Variants in ATAD2 observed in about 807,000 individuals in gnomAD.
The protein encoded by ATAD2 is ATPase family AAA domain-containing protein 2.
Under a neutral mutation model 168.9 loss-of-function variants are expected in ATAD2, and 62 were observed. That is an observed-to-expected ratio of 0.37 (90% confidence interval 0.30 to 0.45). The LOEUF is 0.45. Among genes scored for constraint, ATAD2 ranks in the 20% least tolerant of loss-of-function variants. The pLI is 1.00. For missense variants in ATAD2, 1,419 were observed against 1,667.8 expected, an observed-to-expected ratio of 0.85 and a Z score of 2.60; for synonymous variants, 613 against 571.6, an observed-to-expected ratio of 1.07 and a Z score of -1.03.
At chr8:123,393,090 CAGG>C (rs1446573850) in intron 1 of ATAD2, among the ~76,000 whole-genome samples, 3 of 150,326 alleles carry the variant, frequency 2.0e-5, no homozygotes, top group South Asian at 2.1e-4. Context: ...GAGGCTGAAG[CAGG>C]AGAATGGCGT....
chr8:123,336,311 C>A, intron 22 of ATAD2, 62 bp downstream of exon 22: 1 of 1,426,650 alleles, frequency 7.0e-7, no homozygotes, highest in Non-Finnish European at 9.4e-7. Context: ...ACACAAAAAT[C>A]AACCCTAAGT....
chr8:123,401,027 G>A, upstream of ATAD2: 3 of 1,560,552 alleles, frequency 1.9e-6, no homozygotes, highest in African/African-American at 1.3e-5. Context: ...GGCACCATGG[G>A]CAGCAAGCCG....
At chr8:123,385,244 T>C (rs1829614741) in intron 1 of ATAD2, among the ~76,000 whole-genome samples, 1 of 152,154 alleles carries the variant, frequency 6.6e-6, no homozygotes, top group African/African-American at 2.4e-5. Flanking sequence ...ATGGCTTGTA[T>C]AGAAAAAAAT....
Position 123,320,198 on chromosome 8 carries a change from C to T in ATAD2, c.*936G>A, listed in dbSNP as rs1827429053. 1 of 152,068 alleles carries T rather than the reference C, an allele frequency of 6.6e-6. No individual in the cohort carries two copies. Among genetic ancestry groups the T allele is most frequent in the Non-Finnish European group, 1.5e-5 (1 of 68,004 alleles). The allele number at this position is 152,068 out of a possible 1,614,324, so 9.4% of individuals were successfully genotyped here. A position where few individuals can be genotyped will look rare whatever the true frequency, so the allele number is the denominator to read the frequency against. On this transcript the variant is annotated 3_prime_UTR_variant, in exon 28 of 28. Coordinates refer to ENST00000287394, the MANE Select transcript of ATAD2 (RefSeq NM_014109.4). ...ATTCCTTATTCCCCTCAAAAGGTTT[C>T]CAACAGAAGCTATTTCACAAACTGA...
intron 1 of ATAD2, among the ~76,000 whole-genome samples, chr8:123,394,481 T>C (rs929997184): frequency 6.6e-6 from 1 of 151,938 alleles, no homozygotes; most frequent in Non-Finnish European, 1.5e-5. Flanking sequence ...ATACAAAAAT[T>C]AGCCCAGCGT....
intron 1 of ATAD2, among the ~76,000 whole-genome samples, chr8:123,389,212 C>G (rs1460085460): frequency 7.2e-6 from 1 of 138,806 alleles, no homozygotes. Flanking sequence ...TCCTGACCTC[C>G]TGATCCGCCC....
At chr8:123,343,412 C>G (rs746630723) in intron 19 of ATAD2, among the ~76,000 whole-genome samples, 1 of 152,192 alleles carries the variant, frequency 6.6e-6, no homozygotes, top group Non-Finnish European at 1.5e-5. Flanking sequence ...TTCTCTCCCC[C>G]ACTCAACTAA....
At chr8:123,391,939 A>G (rs1829836452) in intron 1 of ATAD2, among the ~76,000 whole-genome samples, 1 of 152,352 alleles carries the variant, frequency 6.6e-6, no homozygotes, top group African/African-American at 2.4e-5. Flanking sequence ...CTTTGTCTCA[A>G]AAAGGTATAA....
At chr8:123,343,160 G>A (rs990618943) in intron 19 of ATAD2, among the ~76,000 whole-genome samples, 1 of 151,786 alleles carries the variant, frequency 6.6e-6, no homozygotes, top group African/African-American at 2.4e-5. Context: ...AATTTTTGTA[G>A]AGACAAGGTT....
chr8:123,385,805 G>T (rs551472641), intron 1 of ATAD2, among the ~76,000 whole-genome samples: 1 of 151,178 alleles, frequency 6.6e-6, no homozygotes, highest in Admixed American at 6.6e-5. Context: ...ATATATACAC[G>T]CATACATATA....
rs1586913095 is a variant in ATAD2 at position 123,402,097 on chromosome 8, G to A, written c.-2281-922C>T. On this transcript the variant is annotated intron_variant, in intron 1 of 28. Coordinates refer to the ATAD2 transcript ENST00000521903. The surrounding 1 kb of genome is among the most constrained non-coding windows in gnomAD (Gnocchi z 4.8). ...TCCATGGCCTGCACTCTTAGGAGAA[G>A]CGGCTGTACTGACAGCAGTGGAGGC... is the stretch of plus-strand genomic sequence containing the variant. The A allele has an allele frequency of 3.5e-6, 4 of 1,139,638 alleles. No homozygotes were observed. The East Asian group carries it at 7.2e-5, about 20-fold the overall frequency. 70.6% of individuals were successfully genotyped at this position (1,139,638 alleles called of 1,614,324 possible).
intron 9 of ATAD2, among the ~76,000 whole-genome samples, chr8:123,360,307 A>C (rs1258609823): frequency 6.6e-6 from 1 of 152,132 alleles, no homozygotes; most frequent in Non-Finnish European, 1.5e-5. Flanking sequence ...AATCCTCTCA[A>C]GCAAGTTCCC....
chr8:123,387,757 CA>C (rs752426363), intron 1 of ATAD2, among the ~76,000 whole-genome samples: 3 of 152,138 alleles, frequency 2.0e-5, no homozygotes, highest in African/African-American at 7.2e-5. Flanking sequence ...AATAAAATAA[CA>C]AAAAAGTTTT....
chr8:123,403,068 G>A (rs1033756857), intron 1 of ATAD2, among the ~76,000 whole-genome samples: 10 of 152,084 alleles, frequency 6.6e-5, no homozygotes, highest in African/African-American at 1.2e-4. Flanking sequence ...AAGATGGCGC[G>A]CTTCAAGAGC....
At chr8:123,386,000 C>T (rs911763824) in intron 1 of ATAD2, among the ~76,000 whole-genome samples, 4 of 147,170 alleles carry the variant, frequency 2.7e-5, no homozygotes, top group Admixed American at 2.0e-4. Context: ...ACACTTCACA[C>T]ACATTAGGAT....
At chr8:123,389,456 G>A (rs906719079) in intron 1 of ATAD2, among the ~76,000 whole-genome samples, 9 of 150,542 alleles carry the variant, frequency 6.0e-5, no homozygotes, top group Non-Finnish European at 1.2e-4. Flanking sequence ...TGGCTATCAC[G>A]GTGAAAACCC....
chr8:123,400,674 C>A, upstream of ATAD2: 2 of 728,550 alleles, frequency 2.7e-6, no homozygotes, highest in Non-Finnish European at 5.1e-6. This position sits in a 1 kb window ranked among gnomAD's most constrained non-coding sequence, Gnocchi z 4.5. Context: ...TCACCTACAA[C>A]GAGTTCCTGA....
intron 2 of ATAD2, among the ~76,000 whole-genome samples, chr8:123,374,895 G>A (rs1189901859): frequency 1.3e-5 from 2 of 151,874 alleles, no homozygotes; most frequent in African/African-American, 4.8e-5. Context: ...CCAGGATCAA[G>A]TAAGTAAGTA....
intron 20 of ATAD2, 132 bp downstream of exon 20, chr8:123,339,179 T>G: frequency 1.3e-6 from 1 of 793,132 alleles, no homozygotes; most frequent in Non-Finnish European, 1.9e-6. Context: ...ATAGAGATTT[T>G]TAAGCAGCAG....
Sources: allele counts gnomAD v4.1 joint callset (sites outside exome capture counted in the v4.1 genomes callset), GRCh38; gene constraint gnomAD v4.1.1; non-coding constraint Gnocchi (gnomAD v3.1); transcripts MANE v1.5; gene names NCBI Gene and HGNC (gene_info 2026-07-23, HGNC 2026-07-21).